Variants in PPFIA2 observed in about 807,000 individuals in gnomAD.
PPFIA2 encodes liprin-alpha-2.
Under a neutral mutation model 175.5 loss-of-function variants are expected in PPFIA2, and 46 were observed. The observed-to-expected ratio is 0.26, with a 90% CI of 0.21 to 0.34. The LOEUF is 0.34. Ranked by LOEUF, PPFIA2 falls within the 10% of genes least tolerant of loss-of-function variation. PPFIA2 has a pLI of 1.00. For missense variants in PPFIA2, 1,179 were observed against 1,506.1 expected (o/e 0.78, Z 3.60); for synonymous variants, 568 against 511.4 (o/e 1.11, Z -1.49).
intron 9 of PPFIA2, 47 bp downstream of exon 9, chr12:81,383,975 GA>G: frequency 1.4e-6 from 2 of 1,434,128 alleles, no homozygotes; most frequent in Non-Finnish European, 2.0e-6. Context: ...CAGTATCTCA[GA>G]AGCAGCATTC....
intron 4 of PPFIA2, among the ~76,000 whole-genome samples, chr12:81,491,661 A>T (rs2147078995): frequency 6.6e-6 from 1 of 152,006 alleles, no homozygotes. Flanking sequence ...CAGACACTGG[A>T]TCCACCAGTG....
chr12:81,588,693 G>T (rs2075617835), intron 4 of PPFIA2, among the ~76,000 whole-genome samples: 1 of 151,768 alleles, frequency 6.6e-6, no homozygotes, highest in Non-Finnish European at 1.5e-5. Context: ...AAATTCTTTT[G>T]AATTATATTT....
In PPFIA2 at chr12:81,344,565, A is replaced by C. The variant is rs1028454449; in HGVS notation, c.2262+99T>G. 8 of 826,186 alleles carry C rather than the reference A, an allele frequency of 9.7e-6. No individual in the cohort carries two copies. In the African/African-American group the frequency reaches 1.2e-4, roughly 12 times the overall value. The allele number at this position is 826,186 out of a possible 1,614,324, so 51.2% of individuals were successfully genotyped here. The stretch of plus-strand genomic sequence containing the variant: ...CACTTTAAATACTCTCAACTTTTTA[A>C]TGTTTTATCAACATTCGACTAGAGG... On this transcript the variant is annotated intron_variant, in intron 19 of 32. Coordinates refer to ENST00000549396, the MANE Select transcript of PPFIA2 (RefSeq NM_003625.5).
intron 8 of PPFIA2, among the ~76,000 whole-genome samples, chr12:81,385,791 C>T (rs1169294936): frequency 6.6e-6 from 1 of 152,016 alleles, no homozygotes; most frequent in Non-Finnish European, 1.5e-5. Context: ...TGGTCTATTA[C>T]ACAGCATGAT....
chr12:81,653,444 G>A (rs1271262048), intron 4 of PPFIA2, among the ~76,000 whole-genome samples: 1 of 152,046 alleles, frequency 6.6e-6, no homozygotes, highest in African/African-American at 2.4e-5. Flanking sequence ...CAGTAGATTT[G>A]TTTCCTTCTA....
intron 4 of PPFIA2, among the ~76,000 whole-genome samples, chr12:81,473,136 G>A (rs953927198): frequency 2.2e-4 from 33 of 152,208 alleles, no homozygotes; most frequent in Non-Finnish European, 3.4e-4. Context: ...GGCCGGGTGC[G>A]GTGACTCACG....
At chr12:81,470,991 G>T (rs2056620642) in intron 4 of PPFIA2, among the ~76,000 whole-genome samples, 1 of 152,088 alleles carries the variant, frequency 6.6e-6, no homozygotes, top group South Asian at 2.1e-4. Context: ...CATATGTGAG[G>T]AATCATGCAG....
At chr12:81,426,532 T>TAGTAA (rs544669433) in intron 7 of PPFIA2, among the ~76,000 whole-genome samples, 152 of 152,320 alleles carry the variant, frequency 1.0e-3, no homozygotes, top group African/African-American at 3.5e-3. Flanking sequence ...ACTCAGGTAA[T>TAGTAA]AGTATATGGT....
chr12:81,261,959 T>C lies in PPFIA2; in HGVS notation c.*23A>G. 2.5e-6 allele frequency: 4 copies of C among 1,592,632 alleles called. No homozygotes were observed. The highest frequency in any genetic ancestry group is 3.4e-6 in the Non-Finnish European group (4 of 1,167,694). ...AGGGAAACTACTCACAGCAGGTCAG[T>C]GCTGCCTCCTTTGAGTGGCTGGTCA... On this transcript the variant is annotated 3_prime_UTR_variant, in exon 32 of 33. Coordinates refer to ENST00000549396, the MANE Select transcript of PPFIA2 (RefSeq NM_003625.5).
intron 4 of PPFIA2, among the ~76,000 whole-genome samples, chr12:81,577,104 A>C (rs541891826): frequency 6.8e-4 from 103 of 151,988 alleles, no homozygotes; most frequent in African/African-American, 2.4e-3. Flanking sequence ...AGATTTACTT[A>C]ATAGGAATTC....
intron 4 of PPFIA2, among the ~76,000 whole-genome samples, chr12:81,477,859 A>ATT (rs201397878): frequency 1.4e-5 from 2 of 146,428 alleles, no homozygotes; most frequent in South Asian, 2.2e-4. Flanking sequence ...TTGGCCTGAA[A>ATT]TTTTTTTTTT....
intron 4 of PPFIA2, among the ~76,000 whole-genome samples, chr12:81,585,253 T>C (rs926860430): frequency 6.0e-5 from 9 of 150,206 alleles, no homozygotes; most frequent in Non-Finnish European, 1.3e-4. Context: ...TGTACACTAC[T>C]GCAGGCATAG....
intron 15 of PPFIA2, among the ~76,000 whole-genome samples, chr12:81,362,350 T>C (rs1016959691): frequency 6.6e-6 from 1 of 151,406 alleles, no homozygotes; most frequent in Non-Finnish European, 1.5e-5. Context: ...ATTGAACACA[T>C]ATAAAGAGAA....
intron 4 of PPFIA2, among the ~76,000 whole-genome samples, chr12:81,629,989 C>T (rs895570922): frequency 6.6e-6 from 1 of 152,126 alleles, no homozygotes; most frequent in African/African-American, 2.4e-5. Context: ...CACAAAGTTT[C>T]TTATAAGAGA....
rs558386333 is a variant in PPFIA2 at position 81,557,379 on chromosome 12, T to C, written c.304-99513A>G. ...GATATTCCCAAATCCCAGTTTCTGA[T>C]AGAGTAAAGACTCCCCAAATCCCCA... On this transcript the variant is annotated intron_variant, in intron 4 of 32. Coordinates refer to ENST00000549396, the MANE Select transcript of PPFIA2 (RefSeq NM_003625.5). Among the ~76,000 whole-genome samples the C allele has an allele frequency of 3.3e-5, 5 of 152,046 alleles. No individual in the cohort carries two copies. In the East Asian group the frequency reaches 5.8e-4, roughly 18 times the overall value.
At chr12:81,705,605 T>C (rs564693916) in intron 3 of PPFIA2, among the ~76,000 whole-genome samples, 4 of 152,166 alleles carry the variant, frequency 2.6e-5, no homozygotes, top group South Asian at 2.1e-4. Context: ...ATGTAAAAGA[T>C]ACAAGCACAA....
chr12:81,380,095 G>A (rs952690660), intron 9 of PPFIA2, among the ~76,000 whole-genome samples: 3 of 152,074 alleles, frequency 2.0e-5, no homozygotes, highest in Admixed American at 6.6e-5. Context: ...CTTGCAATCC[G>A]TGGCTTATGC....
At chr12:81,477,918 C>A (rs971852025) in intron 4 of PPFIA2, among the ~76,000 whole-genome samples, 2 of 151,694 alleles carry the variant, frequency 1.3e-5, no homozygotes, top group African/African-American at 4.8e-5. Context: ...ATGATGCTGG[C>A]CTCATAAAAT....
In PPFIA2 at chr12:81,268,017, A is replaced by G; in HGVS notation, c.3381T>C (p.Asn1127=). Reference sequence around the variant, plus strand: ...CATGCACACCGCTCTCAAGTATATTATTTGCATATTCTCGAAGTCCAATTG... The same window carrying G: ...CATGCACACCGCTCTCAAGTATATTGTTTGCATATTCTCGAAGTCCAATTG... ...IQAIGLREYA[N]NILESGVHGS... The change falls in exon 29 of 33, where the codon AAT becomes AAC. Residue 1127 remains asparagine, a synonymous_variant. Coordinates refer to ENST00000549396, the MANE Select transcript of PPFIA2 (RefSeq NM_003625.5). The G allele has an allele frequency of 6.3e-7, 1 of 1,596,058 alleles. No homozygotes were observed. The highest frequency in any genetic ancestry group is 8.5e-7 in the Non-Finnish European group (1 of 1,170,590).
Sources: allele counts gnomAD v4.1 joint callset (sites outside exome capture counted in the v4.1 genomes callset), GRCh38; gene constraint gnomAD v4.1.1; transcripts MANE v1.5; gene names NCBI Gene and HGNC (gene_info 2026-07-23, HGNC 2026-07-21).